Variants in RNF10 observed in about 807,000 individuals in gnomAD.
RNF10 encodes the protein E3 ubiquitin-protein ligase RNF10.
In RNF10, 38 loss-of-function variants were observed where a neutral mutation model predicts 91.4. The ratio of observed to expected loss-of-function variants is 0.42; its 90% CI spans 0.32 to 0.54. The LOEUF (loss-of-function observed/expected upper bound fraction) is 0.54. Ranked by LOEUF, RNF10 falls within the 20% of genes least tolerant of loss-of-function variation. RNF10 has a pLI of 0.16. For missense variants in RNF10, 945 were observed against 1,012.0 expected, an observed-to-expected ratio of 0.93 and a Z score of 0.90; for synonymous variants, 364 against 366.3, an observed-to-expected ratio of 0.99 and a Z score of 0.07.
In RNF10 at chr12:120,552,712, C is replaced by T. The variant is rs764362163; in HGVS notation, c.554+14C>T. On this transcript the variant is annotated intron_variant, in intron 3 of 16. Transcript: ENST00000325954. Reference sequence around the variant, plus strand: ...TTTACAGGCCAAGTGAGTATTGCTACCCCTCAGAGGAAAGGGAAAGTAGGA... The same window carrying T: ...TTTACAGGCCAAGTGAGTATTGCTATCCCTCAGAGGAAAGGGAAAGTAGGA... 9 of 1,610,878 alleles carry T rather than the reference C, an allele frequency of 5.6e-6. No homozygotes were observed. The East Asian group carries it at 2.0e-4, about 36-fold the overall frequency.
intron 3 of RNF10, among the ~76,000 whole-genome samples, chr12:120,553,150 C>T (rs1229428249): frequency 1.6e-5 from 2 of 123,534 alleles, no homozygotes; most frequent in East Asian, 5.4e-4. Flanking sequence ...GTGGCGTGAT[C>T]TCGGCTCACT....
At chr12:120,546,667 C>T (rs1398583948) in intron 2 of RNF10, 66 bp downstream of exon 2, 1 of 1,387,632 alleles carries the variant, frequency 7.2e-7, no homozygotes, top group East Asian at 2.3e-5. Flanking sequence ...CCCCGTCCCC[C>T]AGTTTATCAG....
At chr12:120,561,964 A>G (rs1423581995) in intron 7 of RNF10, among the ~76,000 whole-genome samples, 1 of 151,994 alleles carries the variant, frequency 6.6e-6, no homozygotes, top group Non-Finnish European at 1.5e-5. Context: ...TCTGTTCTGG[A>G]AGTTTTTTGT....
chr12:120,563,993 T>C (rs1395667953), intron 10 of RNF10, 50 bp downstream of exon 10: 2 of 1,609,484 alleles, frequency 1.2e-6, no homozygotes, highest in Non-Finnish European at 1.7e-6. Context: ...ATTAACCTAA[T>C]CTCTTTGAGG....
At chr12:120,563,662 G>A in intron 9 of RNF10, 39 bp downstream of exon 9, 1 of 1,573,346 alleles carries the variant, frequency 6.4e-7, no homozygotes, top group Non-Finnish European at 8.6e-7. Flanking sequence ...TGCCGCAGAG[G>A]TGTTTCAGAG....
chr12:120,572,696 A>C (rs560833897), intron 14 of RNF10, among the ~76,000 whole-genome samples: 6 of 151,282 alleles, frequency 4.0e-5, no homozygotes, highest in Middle Eastern at 3.2e-3. Flanking sequence ...CCCGGGTTCA[A>C]GCAATTCTCC....
intron 2 of RNF10, among the ~76,000 whole-genome samples, chr12:120,551,669 G>T (rs1218156367): frequency 6.6e-6 from 1 of 152,012 alleles, no homozygotes; most frequent in Non-Finnish European, 1.5e-5. Flanking sequence ...TGTTGCCCAG[G>T]CTGGAGTGCA....
At chr12:120,556,481 A>G (rs1488565766) in intron 4 of RNF10, among the ~76,000 whole-genome samples, 1 of 127,126 alleles carries the variant, frequency 7.9e-6, no homozygotes, top group African/African-American at 3.0e-5. Context: ...CAGTGAGCCG[A>G]GATGGCGCCA....
chr12:120,550,049 A>G (rs1471152241), intron 2 of RNF10, among the ~76,000 whole-genome samples: 2 of 152,196 alleles, frequency 1.3e-5, no homozygotes, highest in African/African-American at 2.4e-5. Flanking sequence ...AGATCAAGCC[A>G]TGTGTGTAAT....
chr12:120,539,374 T>C, intron 1 of RNF10: 1 of 1,285,102 alleles, frequency 7.8e-7, no homozygotes, highest in Non-Finnish European at 1.0e-6. Context: ...TCAGAATTAC[T>C]AATTTCAGCT....
intron 2 of RNF10, among the ~76,000 whole-genome samples, chr12:120,551,279 C>T (rs1873017388): frequency 6.7e-6 from 1 of 148,608 alleles, no homozygotes; most frequent in Non-Finnish European, 1.5e-5. Context: ...AGCCACTGCG[C>T]CCATCCTAGT....
chr12:120,563,360 A>G lies in RNF10; in HGVS notation c.1268A>G (p.Tyr423Cys), dbSNP rs759397407. 6.2e-7 allele frequency: 1 copy of G among 1,611,706 alleles called. No individual in the cohort carries two copies. The highest frequency in any genetic ancestry group is 2.2e-5 in the East Asian group (1 of 44,868). The part of the protein sequence containing the change: ...VFQPRKGVLE[Y>C]LSAFDEETTE... ...TTGCTGCAACAGGGTGTGCTGGAGT[A>G]TCTGTCTGCCTTCGATGAAGAAACC... The change falls in exon 9 of 17, where the codon TAT becomes TGT. Residue 423 changes from tyrosine to cysteine, a missense_variant. Tyr to Cys is a radical substitution (Grantham distance 194). Coordinates refer to ENST00000325954, the MANE Select transcript of RNF10 (RefSeq NM_014868.5).
chr12:120,545,550 T>A (rs560504748), intron 1 of RNF10, among the ~76,000 whole-genome samples: 385 of 151,186 alleles, frequency 2.5e-3, no homozygotes, highest in African/African-American at 8.7e-3. Context: ...TTTAATTAAA[T>A]TTTTTTTTGA....
chr12:120,561,801 G>A (rs998770181), intron 7 of RNF10, among the ~76,000 whole-genome samples: 1 of 152,262 alleles, frequency 6.6e-6, no homozygotes, highest in Admixed American at 6.5e-5. Context: ...CGTTGCAGCC[G>A]TATTTGTTCA....
At chr12:120,560,976 G>T in intron 7 of RNF10, 90 bp downstream of exon 7, 4 of 1,317,418 alleles carry the variant, frequency 3.0e-6, no homozygotes, top group Non-Finnish European at 4.2e-6. Flanking sequence ...TCACTCTGTC[G>T]GGGGTGAGAT....
At position 120,543,630 on chromosome 12, in the gene RNF10, C is replaced by T. The variant is rs561805500; in HGVS notation, c.158-2775C>T. On this transcript the variant is annotated intron_variant, in intron 1 of 16. Transcript: ENST00000325954. ...CCATCTGGGCAACATGGCAAAACCC[C>T]GTCTATATCAAAAATATAAATTAAG... is the stretch of plus-strand genomic sequence containing the variant. Among the ~76,000 whole-genome samples the T allele has an allele frequency of 3.9e-5, 6 of 152,098 alleles. No individual in the cohort carries two copies. The South Asian group carries it at 1.0e-3, about 26-fold the overall frequency.
At position 120,552,517 on chromosome 12, in the gene RNF10, G is replaced by T. The variant is rs1873264140; in HGVS notation, c.373G>T (p.Ala125Ser). The change falls in exon 3 of 17, where the codon GCA becomes TCA. Residue 125 changes from alanine to serine, a missense_variant. Ala to Ser is a moderately conservative substitution (Grantham distance 99). Coordinates refer to ENST00000325954, the MANE Select transcript of RNF10 (RefSeq NM_014868.5). Reference protein sequence around the residue: ...RRDEVAEAQRAEFSPAQFSGP... With the variant: ...RRDEVAEAQRSEFSPAQFSGP... ...TCTCTAGGTAGCAGAGGCTCAACGG[G>T]CAGAGTTTAGCCCTGCCCAGTTCTC... 6.2e-7 allele frequency: 1 copy of T among 1,613,846 alleles called. No individual in the cohort carries two copies. The highest frequency in any genetic ancestry group is 1.1e-5 in the South Asian group (1 of 91,072).
intron 6 of RNF10, among the ~76,000 whole-genome samples, chr12:120,559,542 A>G (rs1204892663): frequency 1.3e-5 from 2 of 151,668 alleles, no homozygotes; most frequent in Admixed American, 6.6e-5. Flanking sequence ...GCACCACCAC[A>G]CCTGGCTAGT....
chr12:120,546,416 T>G lies in RNF10; in HGVS notation c.169T>G (p.Ser57Ala). Residue 57 changes from serine to alanine, a missense_variant, in exon 2 of 17, where the codon TCC (serine) becomes GCC (alanine). Transcript: ENST00000325954. ...TTTCTTGCTTTCAGATGGAAAGAAC[T>G]CCAGTGGATCCAAGCGTTATAATCG... ...ESKPKSDGKN[S>A]SGSKRYNRKR... 6.2e-7 allele frequency: 1 copy of G among 1,609,388 alleles called. No homozygotes were observed. Among genetic ancestry groups the G allele is most frequent in the Non-Finnish European group, 8.5e-7 (1 of 1,178,274 alleles).
Sources: gnomAD v4.1 joint callset for allele counts (sites outside exome capture counted in the v4.1 genomes callset) on GRCh38, gnomAD v4.1.1 for gene constraint, MANE v1.5 for transcripts, NCBI Gene and HGNC (gene_info 2026-07-23, HGNC 2026-07-21) for gene names.